EIF4A3: variants seen among roughly 807,000 people sequenced by gnomAD.
The protein encoded by EIF4A3 is eukaryotic initiation factor 4A-III.
Under a neutral mutation model 55.6 loss-of-function variants are expected in EIF4A3, and 1 was observed. The ratio of observed to expected loss-of-function variants is 0.02; its 90% CI spans 0.01 to 0.09. EIF4A3 has a LOEUF of 0.09. Ranked by LOEUF, EIF4A3 falls within the 10% of genes least tolerant of loss-of-function variation. EIF4A3 has a pLI of 1.00. For synonymous variants in EIF4A3, 194 were observed against 196.3 expected (o/e 0.99, Z 0.10); for missense variants, 221 against 540.7 (o/e 0.41, Z 5.86).
chr17:80,141,472 T>A, intron 3 of EIF4A3, 91 bp from the exon 4 acceptor site: 1 of 1,253,928 alleles, frequency 8.0e-7, no homozygotes, highest in East Asian at 2.4e-5. Context: ...TGAGAAATAC[T>A]ATCTCATATT....
intron 11 of EIF4A3, 70 bp from the exon 12 acceptor site, chr17:80,135,576 A>C: frequency 7.2e-7 from 1 of 1,393,338 alleles, no homozygotes; most frequent in South Asian, 1.3e-5. Context: ...CGTAAATTTA[A>C]CTAAAACCTC....
At position 80,136,109 on chromosome 17, in the gene EIF4A3, C is replaced by T. The variant is rs1290668885; in HGVS notation, c.1114G>A (p.Gly372Ser). The change falls in exon 11 of 12, where the codon GGC (glycine) becomes AGC (serine). Residue 372 changes from glycine to serine, a missense_variant. Physicochemically the swap from Gly to Ser is moderately conservative, Grantham distance 56. Transcript: ENST00000649764. ...IHRIGRSGRYGRKGVAINFVK... is the reference protein window; with the variant it reads ...IHRIGRSGRYSRKGVAINFVK... Reference sequence around the variant, plus strand: ...AAGTTAATGGCCACACCCTTCCGGCCGTATCGACCTGATCTCCCAATTCTT... The same window carrying T: ...AAGTTAATGGCCACACCCTTCCGGCTGTATCGACCTGATCTCCCAATTCTT... 1 of 1,613,972 alleles carries T rather than the reference C, an allele frequency of 6.2e-7. No individual in the cohort carries two copies. Among genetic ancestry groups the T allele is most frequent in the Non-Finnish European group, 8.5e-7 (1 of 1,180,026 alleles).
intron 6 of EIF4A3, chr17:80,139,442 G>A: frequency 1.6e-6 from 1 of 617,780 alleles, no homozygotes; most frequent in Non-Finnish European, 2.8e-6. Flanking sequence ...GAGAGTCCTA[G>A]ATACCAAATA....
At chr17:80,135,960 G>A in intron 11 of EIF4A3, 44 bp downstream of exon 11, 2 of 1,594,136 alleles carry the variant, frequency 1.3e-6, no homozygotes, top group Non-Finnish European at 1.7e-6. Flanking sequence ...CTAAGAATAG[G>A]GAAGTTCCCT....
chr17:80,143,816 C>T (rs568668369), intron 2 of EIF4A3, among the ~76,000 whole-genome samples: 1 of 151,910 alleles, frequency 6.6e-6, no homozygotes, highest in African/African-American at 2.4e-5. Flanking sequence ...CCCGTCTCTA[C>T]TAAAAATATG....
At chr17:80,135,568 T>TA (rs2143980867) in intron 11 of EIF4A3, 62 bp from the exon 12 acceptor site, 1 of 1,427,576 alleles carries the variant, frequency 7.0e-7, no homozygotes, top group South Asian at 1.3e-5. Flanking sequence ...TTTGTTAACG[T>TA]AAATTTAACT....
chr17:80,135,544 A>G lies in EIF4A3; in HGVS notation c.1220-38T>C, dbSNP rs151034992. Reference sequence around the variant, plus strand: ...AAAGAAACAGATTAAGGAACAACACAAACAAAATGAAAATTTGTTAACGTA... The same window carrying G: ...AAAGAAACAGATTAAGGAACAACACGAACAAAATGAAAATTTGTTAACGTA... On this transcript the variant is annotated intron_variant, in intron 11 of 11. Transcript: ENST00000649764. 975 of 1,516,182 alleles carry G rather than the reference A, an allele frequency of 6.4e-4. 2 individuals are homozygous for G. In the African/African-American group the frequency reaches 0.013, roughly 20 times the overall value. 93.9% of individuals were successfully genotyped at this position (1,516,182 alleles called of 1,614,324 possible).
At chr17:80,138,860 C>A in intron 7 of EIF4A3, 161 bp downstream of exon 7, 1 of 944,102 alleles carries the variant, frequency 1.1e-6, no homozygotes, top group Non-Finnish European at 1.6e-6. Flanking sequence ...GCTTTCAATT[C>A]CTTTACACTC....
intron 3 of EIF4A3, 138 bp from the exon 4 acceptor site, chr17:80,141,519 T>C (rs2039618852): frequency 1.0e-6 from 1 of 997,272 alleles, no homozygotes; most frequent in Non-Finnish European, 1.5e-6. Context: ...TAGCAAATAT[T>C]GTCATTTAAA....
chr17:80,134,719 G>A lies in EIF4A3; in HGVS notation c.*771C>T, dbSNP rs2039556046. 6.6e-6 allele frequency among the ~76,000 whole-genome samples: 1 copy of A among 152,210 alleles called. No homozygotes were observed. The highest frequency in any genetic ancestry group is 2.1e-4 in the South Asian group (1 of 4,832). ...TGCACCTGTAGTCCCAGCTACTCAG[G>A]AGGGTGAGGTGAGAGGATCGCTTGA... On this transcript the variant is annotated 3_prime_UTR_variant, in exon 12 of 12. Coordinates refer to ENST00000649764, the MANE Select transcript of EIF4A3 (RefSeq NM_014740.4).
Position 80,134,374 on chromosome 17 carries a change from AC to A in EIF4A3, c.*1115del, listed in dbSNP as rs1254613105. Among the ~76,000 whole-genome samples the A allele has an allele frequency of 6.6e-6, 1 of 152,198 alleles. No homozygotes were observed. Among genetic ancestry groups the A allele is most frequent in the Non-Finnish European group, 1.5e-5 (1 of 68,044 alleles). On this transcript the variant is annotated 3_prime_UTR_variant, in exon 12 of 12. Transcript: ENST00000649764. The stretch of plus-strand genomic sequence containing the variant: ...ACAGGTAATTACTTTAAATATTTCA[AC>A]AGATAACTTAAATACTTTAATAATT...
chr17:80,141,948 C>T, intron 2 of EIF4A3, 100 bp from the exon 3 acceptor site: 1 of 892,676 alleles, frequency 1.1e-6, no homozygotes, highest in East Asian at 2.5e-5. Flanking sequence ...GTACCTTCTT[C>T]CAGCAAGCCC....
rs763432971 is a variant in EIF4A3 at position 80,138,151 on chromosome 17, G to A, written c.858C>T (p.Thr286=). 14 of 1,613,696 alleles carry A rather than the reference G, an allele frequency of 8.7e-6. No individual in the cohort carries two copies. The highest frequency in any genetic ancestry group is 1.1e-5 in the Non-Finnish European group (13 of 1,179,810). Residue 286 remains threonine (T), a synonymous_variant, in exon 8 of 12, where the codon ACC becomes ACT. Transcript: ENST00000649764. ...GTGCAGTGCCTCTTACCTTTCTTTT[G>A]GTGTTGCAGAAGATGACCGCCTGAG... ...TITQAVIFCN[T]KRKVDWLTEK...
rs762692914 is a variant in EIF4A3, at chr17:80,139,654, C to G, written c.586+16G>C. The G allele has an allele frequency of 6.2e-7, 1 of 1,606,034 alleles. No homozygotes were observed. The highest frequency in any genetic ancestry group is 8.5e-7 in the Non-Finnish European group (1 of 1,175,264). ...GAATTATGTCAGTAGAAGAGTAATTCTTTTGTTGCTCATACCTTTATTCAA... is the reference window on the plus strand; with the variant it reads ...GAATTATGTCAGTAGAAGAGTAATTGTTTTGTTGCTCATACCTTTATTCAA... On this transcript the variant is annotated intron_variant, in intron 6 of 11. Transcript: ENST00000649764.
At chr17:80,145,669 T>C (rs1008747344) in intron 1 of EIF4A3, among the ~76,000 whole-genome samples, 4 of 152,236 alleles carry the variant, frequency 2.6e-5, no homozygotes, top group African/African-American at 9.6e-5. Context: ...TTCCCATCTA[T>C]GTGCCCAACC....
In EIF4A3 at chr17:80,135,247, G is replaced by A. The variant is rs1335355169; in HGVS notation, c.*243C>T. Reference sequence around the variant, plus strand: ...TAGAGAAGGTGGTGGCACCTTAGAAGTATAGAGTTTATGGGAAAAGTTTTA... The same window carrying A: ...TAGAGAAGGTGGTGGCACCTTAGAAATATAGAGTTTATGGGAAAAGTTTTA... On this transcript the variant is annotated 3_prime_UTR_variant, in exon 12 of 12. Coordinates refer to ENST00000649764, the MANE Select transcript of EIF4A3 (RefSeq NM_014740.4). 5 of 427,320 alleles carry A rather than the reference G, an allele frequency of 1.2e-5. No individual in the cohort carries two copies. Among genetic ancestry groups the A allele is most frequent in the African/African-American group, 4.1e-5 (2 of 48,680 alleles). The allele number at this position is 427,320 out of a possible 1,614,324, so 26.5% of individuals were successfully genotyped here. A position where few individuals can be genotyped will look rare whatever the true frequency, so the allele number is the denominator to read the frequency against.
rs867796526 is a variant in EIF4A3, at chr17:80,146,826, G to A, written c.136C>T (p.Arg46Trp). 3 of 1,610,532 alleles carry A rather than the reference G, an allele frequency of 1.9e-6. No homozygotes were observed. Among genetic ancestry groups the A allele is most frequent in the South Asian group, 1.1e-5 (1 of 91,018 alleles). ...VTPTFDTMGL[R>W]EDLLRGIYAY... ...TAGATGCCCCGCAGCAGGTCCTCCCGCAGGCCCATGGTGTCGAACGTGGGG... is the reference window on the plus strand; with the variant it reads ...TAGATGCCCCGCAGCAGGTCCTCCCACAGGCCCATGGTGTCGAACGTGGGG... The change falls in exon 1 of 12, where the codon CGG becomes TGG. Residue 46 changes from arginine to tryptophan, a missense_variant. Arg to Trp is a moderately radical substitution (Grantham distance 101). Transcript: ENST00000649764.
intron 2 of EIF4A3, 27 bp from the exon 3 acceptor site, chr17:80,141,875 AT>A: frequency 6.2e-7 from 1 of 1,609,024 alleles, no homozygotes; most frequent in Non-Finnish European, 8.5e-7. Flanking sequence ...AAGCAGTGGG[AT>A]TAGAGGGAGG....
intron 8 of EIF4A3, 29 bp from the exon 9 acceptor site, chr17:80,137,530 C>A: frequency 6.3e-7 from 1 of 1,581,012 alleles, no homozygotes; most frequent in Non-Finnish European, 8.7e-7. Context: ...GATGCTACTG[C>A]AAGCTAGTAT....
Sources: allele counts gnomAD v4.1 joint callset (sites outside exome capture counted in the v4.1 genomes callset), GRCh38; gene constraint gnomAD v4.1.1; transcripts MANE v1.5; gene names NCBI Gene and HGNC (gene_info 2026-07-23, HGNC 2026-07-21).